The following KCTD1 variants were observed in gnomAD, a reference collection of about 807,000 sequenced individuals.
KCTD1 encodes the protein potassium channel tetramerization domain containing 1.
A neutral mutation model predicts 66.0 loss-of-function variants in KCTD1; 24 were observed. The ratio of observed to expected loss-of-function variants is 0.36; its 90% CI spans 0.26 to 0.51. The LOEUF is 0.51. Ranked by LOEUF, KCTD1 falls within the 20% of genes least tolerant of loss-of-function variation. KCTD1 has a pLI of 0.95. For missense variants in KCTD1, 943 were observed against 1,205.2 expected, an observed-to-expected ratio of 0.78 and a Z score of 3.22; for synonymous variants, 511 against 517.2, an observed-to-expected ratio of 0.99 and a Z score of 0.16.
chr18:26,461,798 AAGGAAGGATCTAGACTCCAGTG>A (rs1980445342), intron 3 of KCTD1, among the ~76,000 whole-genome samples: 1 of 152,208 alleles, frequency 6.6e-6, no homozygotes, highest in Admixed American at 6.5e-5. Context: ...AACTTAGCAC[AAGGAAGGATCTAGACTCCAGTG>A]AAAATATCTT....
intron 1 of KCTD1, among the ~76,000 whole-genome samples, chr18:26,563,750 G>A (rs1364726345): frequency 6.6e-6 from 1 of 152,202 alleles, no homozygotes; most frequent in Non-Finnish European, 1.5e-5. Context: ...TTGTTGTGAG[G>A]ACTAAATGAG....
intron 1 of KCTD1, among the ~76,000 whole-genome samples, chr18:26,539,084 T>G (rs1051896063): frequency 9.8e-5 from 15 of 152,362 alleles, no homozygotes; most frequent in African/African-American, 3.6e-4. Flanking sequence ...CATCTTCTCT[T>G]TATTGGATTC....
At chr18:26,541,833 T>G (rs1157875092) in intron 1 of KCTD1, among the ~76,000 whole-genome samples, 2 of 152,160 alleles carry the variant, frequency 1.3e-5, no homozygotes, top group African/African-American at 2.4e-5. Context: ...TTCTGGGCCA[T>G]CTAGAAGCTC....
intron 1 of KCTD1, among the ~76,000 whole-genome samples, chr18:26,533,433 C>CACTCTTTGTAA: frequency 6.6e-6 from 1 of 152,186 alleles, no homozygotes; most frequent in Non-Finnish European, 1.5e-5. Flanking sequence ...AAGAGTGTTA[C>CACTCTTTGTAA]TGTTCTATGT....
intron 1 of KCTD1, among the ~76,000 whole-genome samples, chr18:26,587,467 T>C (rs1273328423): frequency 6.6e-6 from 1 of 152,236 alleles, no homozygotes; most frequent in East Asian, 1.9e-4. Context: ...ATCCATTCTG[T>C]AGCCCATAAA....
At chr18:26,654,039 A>G (rs1463504257) in intron 1 of KCTD1, among the ~76,000 whole-genome samples, 1 of 152,218 alleles carries the variant, frequency 6.6e-6, no homozygotes, top group Non-Finnish European at 1.5e-5. Context: ...CTCAAATGCA[A>G]TGCAAATGGG....
intron 3 of KCTD1, among the ~76,000 whole-genome samples, chr18:26,469,879 G>C (rs1169155256): frequency 2.0e-5 from 3 of 152,084 alleles, no homozygotes; most frequent in Non-Finnish European, 2.9e-5. Context: ...AACCTGTGAG[G>C]CAGAGGTTGC....
At chr18:26,550,523 C>G (rs1348935244), upstream of KCTD1, among the ~76,000 whole-genome samples, 1 of 151,736 alleles carries the variant, frequency 6.6e-6, no homozygotes, top group Non-Finnish European at 1.5e-5. The surrounding 1 kb of genome is among the most constrained non-coding windows in gnomAD (Gnocchi z 5.4). Flanking sequence ...GTCCCTGCCT[C>G]GCGGGCCGCC....
At chr18:26,515,335 C>G (rs566947311) in intron 1 of KCTD1, among the ~76,000 whole-genome samples, 1 of 152,126 alleles carries the variant, frequency 6.6e-6, no homozygotes, top group South Asian at 2.1e-4. Flanking sequence ...AAGGAACACA[C>G]GGAGGCAGCA....
intron 1 of KCTD1, among the ~76,000 whole-genome samples, chr18:26,509,260 C>T (rs1409570076): frequency 2.6e-5 from 4 of 151,822 alleles, no homozygotes; most frequent in Non-Finnish European, 5.9e-5. Flanking sequence ...ATTTGGGAAA[C>T]AGCAAAGAAT....
intron 1 of KCTD1, among the ~76,000 whole-genome samples, chr18:26,513,431 A>G (rs899956931): frequency 1.3e-5 from 2 of 152,184 alleles, no homozygotes; most frequent in Non-Finnish European, 2.9e-5. Flanking sequence ...ATATTTAGTA[A>G]TTCCACATTA....
At chr18:26,544,936 C>G (rs1345415631) in intron 1 of KCTD1, 1 of 152,120 alleles carries the variant, frequency 6.6e-6, no homozygotes, top group Non-Finnish European at 1.5e-5. Context: ...AGTTACCTGA[C>G]AATAATGCAA....
chr18:26,586,358 TAATC>T (rs547063845), intron 1 of KCTD1, among the ~76,000 whole-genome samples: 1 of 152,196 alleles, frequency 6.6e-6, no homozygotes, highest in Non-Finnish European at 1.5e-5. Flanking sequence ...ACAGTGAACT[TAATC>T]AATAAGCGTT....
chr18:26,610,337 C>A (rs958961000), intron 1 of KCTD1, among the ~76,000 whole-genome samples: 5 of 152,086 alleles, frequency 3.3e-5, no homozygotes, highest in African/African-American at 1.2e-4. Context: ...CTTTGGGAGG[C>A]CAAGGCAGGT....
upstream of KCTD1, among the ~76,000 whole-genome samples, chr18:26,630,513 G>T (rs528622901): frequency 2.0e-5 from 3 of 152,158 alleles, no homozygotes; most frequent in South Asian, 6.2e-4. Flanking sequence ...ACAGGGTCTT[G>T]CCATGTTGCC....
intron 1 of KCTD1, among the ~76,000 whole-genome samples, chr18:26,637,487 A>G (rs1166388150): frequency 1.3e-5 from 2 of 152,186 alleles, no homozygotes; most frequent in Non-Finnish European, 2.9e-5. Flanking sequence ...TAAGGCTTCT[A>G]TTATGGGGTC....
intron 1 of KCTD1, among the ~76,000 whole-genome samples, chr18:26,590,427 C>A (rs1034083232): frequency 1.3e-5 from 2 of 152,068 alleles, no homozygotes; most frequent in African/African-American, 2.4e-5. Flanking sequence ...ATGTATTAGA[C>A]CATTTCTGAG....
chr18:26,559,146 T>G (rs1301812011), intron 1 of KCTD1, among the ~76,000 whole-genome samples: 2 of 151,652 alleles, frequency 1.3e-5, no homozygotes, highest in Non-Finnish European at 2.9e-5. Context: ...GATTAATAGG[T>G]ACAAAAAAAT....
chr18:26,497,706 T>C (rs1982549653), intron 2 of KCTD1, among the ~76,000 whole-genome samples: 1 of 152,254 alleles, frequency 6.6e-6, no homozygotes, highest in South Asian at 2.1e-4. Context: ...AAACCAGTGT[T>C]ACCTGAGCAG....
Sources: allele counts gnomAD v4.1 joint callset (sites outside exome capture counted in the v4.1 genomes callset), GRCh38; gene constraint gnomAD v4.1.1; non-coding constraint Gnocchi (gnomAD v3.1); transcripts MANE v1.5; gene names NCBI Gene and HGNC (gene_info 2026-07-23, HGNC 2026-07-21).